Variants in STRC observed in about 807,000 individuals in gnomAD.
STRC encodes the protein stereocilin.
STRC carries 43 observed loss-of-function variants against 103.5 expected under a neutral mutation model. That is an observed-to-expected ratio of 0.42 (90% CI 0.33 to 0.54). STRC has a LOEUF of 0.54. Ranked by LOEUF, STRC falls within the 20% of genes least tolerant of loss-of-function variation. STRC has a pLI of 0.14. For missense variants in STRC, 499 were observed against 1,088.5 expected, an observed-to-expected ratio of 0.46 and a Z score of 7.62; for synonymous variants, 186 against 442.3, an observed-to-expected ratio of 0.42 and a Z score of 7.27.
Position 43,604,318 on chromosome 15 carries a change from C to A in STRC, c.4218+43G>T, listed in dbSNP as rs967991245. The A allele has an allele frequency of 2.8e-5, 45 of 1,580,880 alleles. 1 individual carries two copies. The highest frequency in any genetic ancestry group is 3.7e-5 in the Non-Finnish European group (43 of 1,160,276). The stretch of plus-strand genomic sequence containing the variant: ...GGGTCCCCATAACCAGCTCACCAGT[C>A]CCCTCTATGCATTTACTCCCTTCCC... On this transcript the variant is annotated intron_variant, in intron 21 of 28. Transcript: ENST00000450892.
chr15:43,609,242 G>C lies in STRC; in HGVS notation c.3557+34C>G, dbSNP rs375543353. On this transcript the variant is annotated intron_variant, in intron 16 of 28. Coordinates refer to ENST00000450892, the MANE Select transcript of STRC (RefSeq NM_153700.2). Reference sequence around the variant, plus strand: ...GTAAGCACTCAAAAAAATGTTGGTCGAATTCAGCGCACTGCTCAACACAAG... The same window carrying C: ...GTAAGCACTCAAAAAAATGTTGGTCCAATTCAGCGCACTGCTCAACACAAG... 8.4e-4 allele frequency: 1,349 copies of C among 1,606,078 alleles called. 25 individuals are homozygous for C. In the Middle Eastern group the frequency reaches 0.015, roughly 18 times the overall value.
rs369886929 is a variant in STRC, at chr15:43,601,372, C to T, written c.4701+24G>A. On this transcript the variant is annotated intron_variant, in intron 24 of 28. Transcript: ENST00000450892. ...TCTGTGGGATGGGTGTTTGGGAAGC[C>T]GTAGGGAGGAGGAAAAGTGTTACCT... The T allele has an allele frequency of 6.8e-5, 109 of 1,611,968 alleles. 1 individual carries two copies. Among genetic ancestry groups the T allele is most frequent in the Non-Finnish European group, 8.7e-5 (103 of 1,179,638 alleles).
Position 43,604,645 on chromosome 15 carries a change from C to A in STRC, c.4127+5G>T. ...TTAGAATCTGAAGTTCTCGAAGGTCCATACCCAAGAACAGACTCCTGCAAT... is the reference window on the plus strand; with the variant it reads ...TTAGAATCTGAAGTTCTCGAAGGTCAATACCCAAGAACAGACTCCTGCAAT... On this transcript the variant is annotated splice_donor_5th_base_variant and intron_variant, in intron 20 of 28. Coordinates refer to ENST00000450892, the MANE Select transcript of STRC (RefSeq NM_153700.2). The A allele has an allele frequency of 6.2e-7, 1 of 1,613,502 alleles. No homozygotes were observed. Among genetic ancestry groups the A allele is most frequent in the Non-Finnish European group, 8.5e-7 (1 of 1,179,702 alleles).
At chr15:43,603,151 C>T in intron 23 of STRC, 91 bp downstream of exon 23, 1 of 1,396,762 alleles carries the variant, frequency 7.2e-7, no homozygotes, top group Non-Finnish European at 1.0e-6. Context: ...GCTTCCCCCA[C>T]CTCTCATCCA....
intron 23 of STRC, chr15:43,602,470 C>T (rs1459082444): frequency 6.6e-6 from 1 of 152,068 alleles, no homozygotes; most frequent in Non-Finnish European, 1.5e-5. Context: ...AGGCATGAGT[C>T]ACTGCGCCCA....
At chr15:43,609,175 C>T (rs113311602) in intron 16 of STRC, 101 bp downstream of exon 16, 1 of 1,161,704 alleles carries the variant, frequency 8.6e-7, no homozygotes, top group Non-Finnish European at 1.3e-6. Context: ...CATCATTCAT[C>T]CCTATATCCC....
intron 19 of STRC, 114 bp from the exon 20 acceptor site, chr15:43,604,960 C>T (rs2085701553): frequency 1.4e-6 from 2 of 1,457,736 alleles, no homozygotes; most frequent in Non-Finnish European, 1.9e-6. Context: ...AGCTCAGCAC[C>T]CTATGATGCT....
Position 43,601,536 on chromosome 15 carries a change from G to A in STRC, c.4561C>T (p.Arg1521Trp), listed in dbSNP as rs138763871. ...GKAKQLWGPP[R>W]GFRPEQILQL... Reference sequence around the variant, plus strand: ...AGGATCTGCTCAGGACGAAATCCCCGGGGGGGACCCCACAACTAGGAGAAA... The same window carrying A: ...AGGATCTGCTCAGGACGAAATCCCCAGGGGGGACCCCACAACTAGGAGAAA... Residue 1521 changes from arginine to tryptophan, a missense_variant, in exon 24 of 29, where the codon CGG becomes TGG. Physicochemically the swap from Arg to Trp is moderately radical, Grantham distance 101 (BLOSUM62 -3). Transcript: ENST00000450892. 5,684 of 1,611,700 alleles carry A rather than the reference G, an allele frequency of 3.5e-3. 115 individuals carry two copies. The highest frequency in any genetic ancestry group is 3.3e-3 in the Middle Eastern group (20 of 6,056).
chr15:43,603,197 A>C (rs182611640), intron 23 of STRC, 45 bp downstream of exon 23: 1 of 1,604,214 alleles, frequency 6.2e-7, no homozygotes. Flanking sequence ...ATCACACCCA[A>C]ATAGCTTCCT....
In STRC at chr15:43,601,571, A is replaced by G; in HGVS notation, c.4546-20T>C. 1.2e-6 allele frequency: 2 copies of G among 1,613,282 alleles called. No homozygotes were observed. Among genetic ancestry groups the G allele is most frequent in the Non-Finnish European group, 1.7e-6 (2 of 1,179,376 alleles). ...CCACAACTAGGAGAAAGACAGGAAC[A>G]ATGTGAGTGGAAAAGCAGTGGATTG... On this transcript the variant is annotated intron_variant, in intron 23 of 28. Coordinates refer to ENST00000450892, the MANE Select transcript of STRC (RefSeq NM_153700.2).
rs559377505 is a variant in STRC, at chr15:43,605,132, C to A, written c.3930+132G>T. ...ACCCAGAGGCAAAACAGGGGCCAGG[C>A]CTTGTAGACAGGAATCTGTTTGGCA... On this transcript the variant is annotated intron_variant, in intron 19 of 28. Transcript: ENST00000450892. The A allele has an allele frequency of 1.5e-4, 232 of 1,536,732 alleles. 1 individual carries two copies. The Middle Eastern group carries it at 2.3e-3, about 15-fold the overall frequency.
At position 43,604,757 on chromosome 15, in the gene STRC, G is replaced by C. The variant is rs532956730; in HGVS notation, c.4020C>G (p.Ile1340Met). The C allele has an allele frequency of 2.7e-5, 43 of 1,613,468 alleles. No individual in the cohort carries two copies. The highest frequency in any genetic ancestry group is 3.5e-5 in the Non-Finnish European group (41 of 1,179,718). ...GATGGGACAGCAGGATCTGTAGGGG[G>C]ATCTGTCGTGTGCTCTCTGTCCCCA... is the stretch of plus-strand genomic sequence containing the variant. Reference protein sequence around the residue: ...GFLGTESTRQIPLQILLSHLS... With the variant: ...GFLGTESTRQMPLQILLSHLS... Residue 1340 changes from isoleucine to methionine, a missense_variant, in exon 20 of 29, where the codon ATC (isoleucine) becomes ATG (methionine). Transcript: ENST00000450892.
chr15:43,605,628 G>GAAAAAAAAAAAAAAAAAA (rs1567118044), intron 18 of STRC, among the ~76,000 whole-genome samples: 3 of 136,104 alleles, frequency 2.2e-5, no homozygotes, highest in Admixed American at 7.3e-5. Flanking sequence ...AAAAAATAAC[G>GAAAAAAAAAAAAAAAAAA]AACAATCCTA....
intron 22 of STRC, 169 bp from the exon 23 acceptor site, chr15:43,603,580 A>G: frequency 1.3e-6 from 1 of 776,348 alleles, no homozygotes; most frequent in Admixed American, 2.1e-5. Flanking sequence ...AGATAATAGA[A>G]CAAGAAGTGA....
intron 23 of STRC, among the ~76,000 whole-genome samples, chr15:43,602,121 CAAAAAAAAAAAAA>C (rs35561492): frequency 2.6e-5 from 1 of 38,272 alleles, no homozygotes; most frequent in Admixed American, 2.7e-4. Flanking sequence ...GACTCTGTCT[CAAAAAAAAAAAAA>C]AAAAAAAAAA....
Position 43,604,232 on chromosome 15 carries a change from G to C in STRC, c.4219-80C>G. On this transcript the variant is annotated intron_variant, in intron 21 of 28. Coordinates refer to ENST00000450892, the MANE Select transcript of STRC (RefSeq NM_153700.2). ...GCTATAGCTCTAAGTCCAAAGTCCT[G>C]TCTCTGTTTTGCAGTCTCCCCCCAG... 3.1e-6 allele frequency: 5 copies of C among 1,601,130 alleles called. No individual in the cohort carries two copies. The South Asian group carries it at 5.6e-5, about 18-fold the overall frequency.
At chr15:43,608,053 C>T (rs2085723586) in intron 17 of STRC, 27 bp downstream of exon 17, 1 of 1,610,880 alleles carries the variant, frequency 6.2e-7, no homozygotes, top group Admixed American at 1.7e-5. Flanking sequence ...TCCCTGCTCC[C>T]ACTAAAGTCC....
intron 24 of STRC, 101 bp downstream of exon 24, chr15:43,601,295 T>C (rs1376462344): frequency 6.5e-7 from 1 of 1,538,906 alleles, no homozygotes; most frequent in African/African-American, 1.4e-5. Flanking sequence ...AAGGACCAGG[T>C]AGGGTCACAG....
At chr15:43,606,872 C>T (rs1426807941) in intron 18 of STRC, among the ~76,000 whole-genome samples, 1 of 92,382 alleles carries the variant, frequency 1.1e-5, no homozygotes, top group African/African-American at 4.2e-5. Flanking sequence ...TGGTGGTGCA[C>T]ACCTACAGTC....
Sources: gnomAD v4.1 joint callset for allele counts (sites outside exome capture counted in the v4.1 genomes callset) on GRCh38, gnomAD v4.1.1 for gene constraint, MANE v1.5 for transcripts, NCBI Gene and HGNC (gene_info 2026-07-23, HGNC 2026-07-21) for gene names.